The following PARP1 variants were observed in gnomAD, a reference collection of about 807,000 sequenced individuals.
PARP1 encodes poly [ADP-ribose] polymerase 1.
A neutral mutation model predicts 118.7 loss-of-function variants in PARP1; 44 were observed. The ratio of observed to expected loss-of-function variants is 0.37; its 90% confidence interval spans 0.29 to 0.48. The LOEUF (loss-of-function observed/expected upper bound fraction) is 0.48. PARP1 is among the 20% of genes least tolerant of loss of function. The probability of loss-of-function intolerance (pLI) is 0.99; values close to 1 mark genes in which losing one functional copy is unlikely to be tolerated. For missense variants in PARP1, 1,100 were observed against 1,272.4 expected (o/e 0.86, Z 2.06); for synonymous variants, 492 against 483.2 (o/e 1.02, Z -0.24).
chr1:226,381,828 A>G (rs2102736663), intron 8 of PARP1, among the ~76,000 whole-genome samples: 1 of 152,350 alleles, frequency 6.6e-6, no homozygotes, highest in Non-Finnish European at 1.5e-5. Flanking sequence ...CCAGAACTGG[A>G]GTAGCTGCAA....
intron 8 of PARP1, 70 bp from the exon 9 acceptor site, chr1:226,381,278 G>A (rs1005009444): frequency 1.7e-5 from 27 of 1,588,060 alleles, no homozygotes; most frequent in Non-Finnish European, 2.2e-5. Context: ...GGGAGGTGGA[G>A]GAGCAGGTGA....
chr1:226,383,545 C>T (rs532642127), intron 7 of PARP1, among the ~76,000 whole-genome samples: 2 of 152,316 alleles, frequency 1.3e-5, no homozygotes, highest in Admixed American at 6.5e-5. Context: ...TTGCTCCCTT[C>T]GAGAGTTAAT....
intron 14 of PARP1, among the ~76,000 whole-genome samples, chr1:226,371,870 CT>C (rs1664388877): frequency 9.9e-6 from 1 of 101,040 alleles, no homozygotes; most frequent in South Asian, 3.6e-4. Context: ...TACGCACAGA[CT>C]AAAAATAAGA....
At chr1:226,370,878 A>G in intron 14 of PARP1, 1 of 291,328 alleles carries the variant, frequency 3.4e-6, no homozygotes, top group Non-Finnish European at 6.8e-6. Flanking sequence ...CACCCCACCC[A>G]GCGGCCTTCC....
At chr1:226,401,720 TACTCTGTATG>T (rs1665041682) in intron 2 of PARP1, among the ~76,000 whole-genome samples, 1 of 152,214 alleles carries the variant, frequency 6.6e-6, no homozygotes. Context: ...GGTCTGAAAC[TACTCTGTATG>T]ATACTATAAT....
intron 18 of PARP1, among the ~76,000 whole-genome samples, 172 bp downstream of exon 18, chr1:226,365,782 A>AC (rs1664250377): frequency 2.1e-5 from 1 of 46,608 alleles, no homozygotes; most frequent in Admixed American, 1.3e-4. Context: ...AAAAAACAAA[A>AC]AACAAACAAA....
rs201256399 is a variant in PARP1, at chr1:226,407,916, G to C, written c.14C>G (p.Ser5Trp). ...GTACTCGACTCGATAGAGCTTATCC[G>C]AAGACTCCGCCATCCTCCCCTAGCT... MAES[S>W]DKLYRVEYAK... The change falls in exon 1 of 23, where the codon TCG (serine) becomes TGG (tryptophan). Residue 5 changes from serine (S) to tryptophan (W), a missense_variant. Ser to Trp is a radical substitution (Grantham distance 177). This residue lies in a region of PARP1 where 948 missense variants were observed against 1,031.8 expected (regional missense o/e 0.92). Coordinates refer to ENST00000366794, the MANE Select transcript of PARP1 (RefSeq NM_001618.4). 4.5e-5 allele frequency: 73 copies of C among 1,612,354 alleles called. No homozygotes were observed. The East Asian group carries it at 1.5e-3, about 33-fold the overall frequency.
intron 2 of PARP1, among the ~76,000 whole-genome samples, chr1:226,394,235 T>C (rs189166377): frequency 2.0e-5 from 3 of 152,332 alleles, no homozygotes; most frequent in East Asian, 3.9e-4. Context: ...CGCACGCCTG[T>C]ACTCCTAGCT....
At chr1:226,393,073 T>C in intron 2 of PARP1, 1 of 1,206,232 alleles carries the variant, frequency 8.3e-7, no homozygotes, top group Non-Finnish European at 1.1e-6. Flanking sequence ...TGATTCTATT[T>C]GATATTCCTA....
chr1:226,369,955 CAAA>C (rs1316600784), intron 15 of PARP1, among the ~76,000 whole-genome samples: 1 of 46,088 alleles, frequency 2.2e-5, no homozygotes, highest in Non-Finnish European at 4.7e-5. Context: ...GACTCTGTCT[CAAA>C]AAAGAAAAAG....
chr1:226,379,221 T>G lies in PARP1; in HGVS notation c.1666A>C (p.Thr556Pro), dbSNP rs1174009696. The change falls in exon 12 of 23, where the codon ACC becomes CCC. Residue 556 changes from threonine to proline, a missense_variant. Thr to Pro is a conservative substitution (Grantham distance 38). Around this residue, in one of 2 missense-constraint regions of PARP1, gnomAD observed 948 missense variants for 1,031.8 expected, o/e 0.92. Transcript: ENST00000366794. ...LEKGGKVFSA[T>P]LGLVDIVKGT... Reference sequence around the variant, plus strand: ...TTAACGATGTCCACCAGGCCAAGGGTGGCACTGAAGACCTTCCCACCTTTC... The same window carrying G: ...TTAACGATGTCCACCAGGCCAAGGGGGGCACTGAAGACCTTCCCACCTTTC... 2 of 1,614,144 alleles carry G rather than the reference T, an allele frequency of 1.2e-6. No individual in the cohort carries two copies. The highest frequency in any genetic ancestry group is 2.2e-5 in the South Asian group (2 of 91,076).
intron 1 of PARP1, among the ~76,000 whole-genome samples, chr1:226,404,388 G>A (rs1390039314): frequency 6.6e-6 from 1 of 152,176 alleles, no homozygotes; most frequent in African/African-American, 2.4e-5. Context: ...CAATGGCCTC[G>A]ACCTGGCTCT....
At chr1:226,369,374 T>A (rs1465284733) in intron 15 of PARP1, among the ~76,000 whole-genome samples, 1 of 152,240 alleles carries the variant, frequency 6.6e-6, no homozygotes, top group East Asian at 1.9e-4. Flanking sequence ...CCCTCCAGGA[T>A]GTAGCTGGAA....
intron 11 of PARP1, 73 bp downstream of exon 11, chr1:226,379,500 G>T: frequency 2.3e-6 from 3 of 1,289,864 alleles, no homozygotes; most frequent in Non-Finnish European, 3.4e-6. Flanking sequence ...GCGGGCATTT[G>T]GATGTGTGCT....
chr1:226,372,688 C>T (rs1664411896), intron 14 of PARP1, among the ~76,000 whole-genome samples: 1 of 151,998 alleles, frequency 6.6e-6, no homozygotes, highest in African/African-American at 2.4e-5. Context: ...CCAAACCAAA[C>T]CAAACCAAAC....
In PARP1 at chr1:226,365,092, G is replaced by A. The variant is rs2102726891; in HGVS notation, c.2568C>T (p.Asn856=). Residue 856 remains asparagine, a synonymous_variant, in exon 19 of 23, where the codon AAC becomes AAT. Transcript: ENST00000366794. The part of the protein sequence containing the change: ...QRYKPFKQLH[N]RRLLWHGSRT... The stretch of plus-strand genomic sequence containing the variant: ...TGGACCCGTGCCACAGCAATCTTCG[G>A]TTATGAAGCTGCTTAAAGGGCTTGT... The A allele has an allele frequency of 6.2e-7, 1 of 1,614,242 alleles. No individual in the cohort carries two copies. Among genetic ancestry groups the A allele is most frequent in the Middle Eastern group, 1.6e-4 (1 of 6,062 alleles).
chr1:226,377,377 C>A, intron 12 of PARP1, 74 bp from the exon 13 acceptor site: 1 of 1,133,516 alleles, frequency 8.8e-7, no homozygotes, highest in Non-Finnish European at 1.3e-6. Flanking sequence ...CCCTTTCCTG[C>A]CATTACATTC....
At chr1:226,402,698 CACTGCT>C (rs1665061713) in intron 1 of PARP1, among the ~76,000 whole-genome samples, 1 of 152,254 alleles carries the variant, frequency 6.6e-6, no homozygotes, top group Admixed American at 6.5e-5. Flanking sequence ...TTTGACCACA[CACTGCT>C]ACATTTAGTG....
At chr1:226,405,750 G>A (rs1278456096) in intron 1 of PARP1, among the ~76,000 whole-genome samples, 1 of 152,084 alleles carries the variant, frequency 6.6e-6, no homozygotes, top group Admixed American at 6.5e-5. Flanking sequence ...ACCAGAACAC[G>A]GTACTCTGCC....
Sources: allele counts gnomAD v4.1 joint callset (sites outside exome capture counted in the v4.1 genomes callset), GRCh38; gene constraint gnomAD v4.1.1; regional missense constraint gnomAD v4.1.1; transcripts MANE v1.5; gene names NCBI Gene and HGNC (gene_info 2026-07-23, HGNC 2026-07-21).